Variants in MATN2 observed in about 807,000 individuals in gnomAD.
MATN2 encodes matrilin-2.
A neutral mutation model predicts 103.2 loss-of-function variants in MATN2; 69 were observed. The ratio of observed to expected loss-of-function variants is 0.67; its 90% confidence interval spans 0.55 to 0.82. The LOEUF is 0.82. Among genes scored for constraint, MATN2 ranks in the 40% least tolerant of loss-of-function variants. The pLI is 0.00. For synonymous variants in MATN2, 429 were observed against 450.2 expected, an observed-to-expected ratio of 0.95 and a Z score of 0.60; for missense variants, 1,023 against 1,211.5, an observed-to-expected ratio of 0.84 and a Z score of 2.31.
chr8:97,950,505 T>A (rs1174035881), intron 4 of MATN2, among the ~76,000 whole-genome samples: 3 of 152,194 alleles, frequency 2.0e-5, no homozygotes, highest in Non-Finnish European at 2.9e-5. Context: ...TGGATTCCCC[T>A]CTATGGGCCT....
chr8:97,903,325 A>G (rs766325384), intron 2 of MATN2, among the ~76,000 whole-genome samples: 37 of 152,198 alleles, frequency 2.4e-4, no homozygotes, highest in African/African-American at 8.0e-4. Context: ...CAGGGTAAAG[A>G]TAAGTTTCTC....
At chr8:97,985,345 G>A (rs937338704) in intron 6 of MATN2, among the ~76,000 whole-genome samples, 4 of 152,138 alleles carry the variant, frequency 2.6e-5, no homozygotes, top group African/African-American at 9.7e-5. Flanking sequence ...TCCCCACCAT[G>A]ACCCAAAAAC....
At chr8:97,967,019 G>A (rs975533709) in intron 5 of MATN2, among the ~76,000 whole-genome samples, 6 of 152,202 alleles carry the variant, frequency 3.9e-5, no homozygotes, top group African/African-American at 1.4e-4. Flanking sequence ...TGAAGGCGGA[G>A]CAGGCATGTC....
In MATN2 at chr8:97,982,437, A is replaced by T. The variant is rs904978063; in HGVS notation, c.1081+3429A>T. ...TGTGATGTTGAAAGATTTTTTTTTA[A>T]AATTCTACTTCTTATACACTTGCAA... On this transcript the variant is annotated intron_variant, in intron 6 of 18. Transcript: ENST00000254898. The surrounding 1 kb of genome is among the most constrained non-coding windows in gnomAD (Gnocchi z 4.3). Among the ~76,000 whole-genome samples the T allele has an allele frequency of 1.3e-5, 2 of 151,860 alleles. No homozygotes were observed. The highest frequency in any genetic ancestry group is 2.4e-5 in the African/African-American group (1 of 41,384).
intron 2 of MATN2, among the ~76,000 whole-genome samples, chr8:97,908,836 C>T (rs1288889540): frequency 6.6e-6 from 1 of 152,194 alleles, no homozygotes; most frequent in African/African-American, 2.4e-5. Flanking sequence ...GCCATGTTGG[C>T]CAGGCCAGTC....
At chr8:97,928,656 G>A (rs1273830626) in intron 2 of MATN2, among the ~76,000 whole-genome samples, 1 of 152,118 alleles carries the variant, frequency 6.6e-6, no homozygotes, top group Non-Finnish European at 1.5e-5. Flanking sequence ...AGCCATAGCT[G>A]TAACCCTGCC....
At chr8:97,881,105 C>T (rs1818239681) in intron 1 of MATN2, among the ~76,000 whole-genome samples, 1 of 152,192 alleles carries the variant, frequency 6.6e-6, no homozygotes. Context: ...CTGTCCCATC[C>T]AGACACTTAA....
At chr8:97,917,936 A>G (rs1809688102) in intron 2 of MATN2, among the ~76,000 whole-genome samples, 1 of 151,996 alleles carries the variant, frequency 6.6e-6, no homozygotes, top group African/African-American at 2.4e-5. Context: ...AATACAAAAA[A>G]TTAGTCGGGT....
At chr8:97,998,541 AT>A (rs1812677198) in intron 7 of MATN2, among the ~76,000 whole-genome samples, 1 of 141,762 alleles carries the variant, frequency 7.1e-6, no homozygotes, top group Non-Finnish European at 1.5e-5. Context: ...AAAAAAAAAA[AT>A]CTTGCTTGAA....
rs1281316083 is a variant in MATN2 at position 97,962,794 on chromosome 8, GTTA to G, written c.958+1267_958+1269del. ...AGATGAGAAAAATCACTATTAATAG[GTTA>G]TTGTATTTTCTACCAGACTTTCTCC... On this transcript the variant is annotated intron_variant, in intron 5 of 18. Transcript: ENST00000254898. Among the ~76,000 whole-genome samples the G allele has an allele frequency of 2.0e-5, 3 of 152,308 alleles. No homozygotes were observed. In the East Asian group the frequency reaches 5.8e-4, roughly 29 times the overall value.
At chr8:97,905,009 T>C (rs1336452153) in intron 2 of MATN2, among the ~76,000 whole-genome samples, 1 of 152,234 alleles carries the variant, frequency 6.6e-6, no homozygotes, top group African/African-American at 2.4e-5. Context: ...GATATTTTCA[T>C]GGCACATTGT....
intron 4 of MATN2, among the ~76,000 whole-genome samples, chr8:97,950,468 C>T (rs770246395): frequency 1.3e-5 from 2 of 152,122 alleles, no homozygotes; most frequent in Non-Finnish European, 2.9e-5. Flanking sequence ...GATGCCTTCA[C>T]TCATCCGCTC....
rs917162112 is a variant in MATN2 at position 97,998,259 on chromosome 8, G to A, written c.1204+3657G>A. Among the ~76,000 whole-genome samples the A allele has an allele frequency of 9.4e-4, 142 of 150,574 alleles. 1 individual carries two copies. The highest frequency in any genetic ancestry group is 3.3e-3 in the African/African-American group (138 of 41,246). On this transcript the variant is annotated intron_variant, in intron 7 of 18. Transcript: ENST00000254898. Reference sequence around the variant, plus strand: ...AATCTTGCTGGGCGCGGTGGCTCACGCCTGTAATCCCAGCACTTTGGGAGG... The same window carrying A: ...AATCTTGCTGGGCGCGGTGGCTCACACCTGTAATCCCAGCACTTTGGGAGG...
chr8:97,996,592 G>A (rs1211517604), intron 7 of MATN2, among the ~76,000 whole-genome samples: 1 of 152,116 alleles, frequency 6.6e-6, no homozygotes. Context: ...CCAACGTCCC[G>A]CCTCATCGTT....
At chr8:97,947,198 C>G (rs1271813162) in intron 4 of MATN2, among the ~76,000 whole-genome samples, 2 of 152,110 alleles carry the variant, frequency 1.3e-5, no homozygotes, top group Non-Finnish European at 2.9e-5. Flanking sequence ...ATGGCAAAAC[C>G]CTGTCTCTAC....
intron 4 of MATN2, among the ~76,000 whole-genome samples, chr8:97,947,179 C>T (rs1275398188): frequency 1.3e-5 from 2 of 152,078 alleles, no homozygotes; most frequent in Non-Finnish European, 1.5e-5. Flanking sequence ...TGAGACCAAC[C>T]TAGCTAACAT....
intron 14 of MATN2, among the ~76,000 whole-genome samples, 164 bp downstream of exon 14, chr8:98,027,993 A>G (rs1346243450): frequency 1.3e-5 from 2 of 152,156 alleles, no homozygotes; most frequent in African/African-American, 4.8e-5. Flanking sequence ...TAGAAGCCTT[A>G]ACAGGACCCC....
At chr8:98,025,970 G>C (rs921697836) in intron 13 of MATN2, among the ~76,000 whole-genome samples, 1 of 151,908 alleles carries the variant, frequency 6.6e-6, no homozygotes, top group African/African-American at 2.4e-5. Context: ...CTGAGGTCAG[G>C]AGTTCAAGAC....
chr8:98,023,538 G>A lies in MATN2; in HGVS notation c.1942+2211G>A, dbSNP rs1465653035. Among the ~76,000 whole-genome samples, 2 of 152,134 alleles carry A rather than the reference G, an allele frequency of 1.3e-5. 1 individual carries two copies. The highest frequency in any genetic ancestry group is 2.9e-5 in the Non-Finnish European group (2 of 68,030). Reference sequence around the variant, plus strand: ...TTAGAAAAATTAGCTGGTTGTGGTGGTACGTGGCTGTGGTCCCAGCTACTA... The same window carrying A: ...TTAGAAAAATTAGCTGGTTGTGGTGATACGTGGCTGTGGTCCCAGCTACTA... On this transcript the variant is annotated intron_variant, in intron 13 of 18. Transcript: ENST00000254898.
Sources: allele counts gnomAD v4.1 joint callset (sites outside exome capture counted in the v4.1 genomes callset), GRCh38; gene constraint gnomAD v4.1.1; non-coding constraint Gnocchi (gnomAD v3.1); transcripts MANE v1.5; gene names NCBI Gene and HGNC (gene_info 2026-07-23, HGNC 2026-07-21).